The following EMC1 variants were observed in gnomAD, a reference collection of about 807,000 sequenced individuals.
The protein encoded by EMC1 is KIAA0090.
A neutral mutation model predicts 128.8 loss-of-function variants in EMC1; 103 were observed. The observed-to-expected ratio is 0.80, with a 90% CI of 0.68 to 0.94. The LOEUF (loss-of-function observed/expected upper bound fraction) is 0.94. Ranked by LOEUF, EMC1 falls within the 40% of genes least tolerant of loss-of-function variation. EMC1 has a pLI of 0.00. For missense variants in EMC1, 1,083 were observed against 1,250.6 expected (o/e 0.87, Z 2.02); for synonymous variants, 442 against 490.4 (o/e 0.90, Z 1.30).
At chr1:19,224,462 A>G (rs1053619170) in intron 18 of EMC1, among the ~76,000 whole-genome samples, 2 of 152,100 alleles carry the variant, frequency 1.3e-5, no homozygotes, top group Non-Finnish European at 1.5e-5. Context: ...GACTCCATAC[A>G]TCAGTGGCTC....
intron 18 of EMC1, among the ~76,000 whole-genome samples, chr1:19,226,734 G>GTT (rs968836465): frequency 1.4e-5 from 2 of 139,892 alleles, no homozygotes; most frequent in Non-Finnish European, 1.6e-5. Context: ...TGTTTTTTTT[G>GTT]TTTTTTTTTT....
chr1:19,231,517 G>C, intron 15 of EMC1, 95 bp from the exon 16 acceptor site: 1 of 1,321,182 alleles, frequency 7.6e-7, no homozygotes, highest in Non-Finnish European at 1.0e-6. Context: ...CAACAACTGT[G>C]GGGGTTCTCT....
Position 19,219,691 on chromosome 1 carries a change from T to A in EMC1, c.2680A>T (p.Asn894Tyr). ...EIPTEQSREE[N>Y]LIPYSPDVQI... ...ACATCTGGAGAATACGGGATTAAGT[T>A]CTCCTCTCTGCAAAACACCAGCCGG... Residue 894 changes from asparagine to tyrosine, a missense_variant, in exon 22 of 23, where the codon AAC (asparagine) becomes TAC (tyrosine). This residue lies in a region of EMC1 where 527 missense variants were observed against 644.1 expected (regional missense o/e 0.82). Coordinates refer to ENST00000477853, the MANE Select transcript of EMC1 (RefSeq NM_015047.3). 6.2e-7 allele frequency: 1 copy of A among 1,613,934 alleles called. No individual in the cohort carries two copies. Among genetic ancestry groups the A allele is most frequent in the Non-Finnish European group, 8.5e-7 (1 of 1,179,988 alleles).
In EMC1 at chr1:19,216,589, GAATTA is replaced by G. The variant is rs1448123645; in HGVS notation, c.*2709_*2713del. On this transcript the variant is annotated 3_prime_UTR_variant, in exon 23 of 23. Coordinates refer to ENST00000477853, the MANE Select transcript of EMC1 (RefSeq NM_015047.3). The stretch of plus-strand genomic sequence containing the variant: ...CCATTAGTTGAAAAAACAAGTAACA[GAATTA>G]AATAGCATCATCTCATTTAAGAAAA... 1.3e-5 allele frequency: 2 copies of G among 152,108 alleles called. No individual in the cohort carries two copies. Among genetic ancestry groups the G allele is most frequent in the Admixed American group, 6.5e-5 (1 of 15,276 alleles). 9.4% of individuals were successfully genotyped at this position (152,108 alleles called of 1,614,324 possible). A position where few individuals can be genotyped will look rare whatever the true frequency, so the allele number is the denominator to read the frequency against.
rs766175186 is a variant in EMC1, at chr1:19,222,793, G to A, written c.2418C>T (p.Thr806=). ...CAGTGCCCTCATAGAGCTCCAGTAC[G>A]GTAAACTCGTTGCGCCGAGCCTTGG... ...WNTKARRNEF[T]VLELYEGTEQ... The change falls in exon 20 of 23, where the codon ACC becomes ACT. Residue 806 remains threonine, a synonymous_variant. Transcript: ENST00000477853. 2.5e-5 allele frequency: 40 copies of A among 1,613,298 alleles called. No individual in the cohort carries two copies. The highest frequency in any genetic ancestry group is 1.3e-4 in the East Asian group (6 of 44,848).
At chr1:19,235,737 C>CA (rs2093558339) in intron 12 of EMC1, among the ~76,000 whole-genome samples, 1 of 151,612 alleles carries the variant, frequency 6.6e-6, no homozygotes, top group African/African-American at 2.4e-5. Flanking sequence ...AAATAAATAT[C>CA]AAAAAATTAG....
In EMC1 at chr1:19,231,246, C is replaced by G; in HGVS notation, c.1944+15G>C. On this transcript the variant is annotated intron_variant, in intron 16 of 22. Transcript: ENST00000477853. ...ACTCCGCTAGCATGTTCTCCATCCC[C>G]TCTGAAGACAGTACCTTGTATTCAT... 18 of 1,584,238 alleles carry G rather than the reference C, an allele frequency of 1.1e-5. No individual in the cohort carries two copies. Among genetic ancestry groups the G allele is most frequent in the Non-Finnish European group, 1.5e-5 (18 of 1,171,368 alleles).
At chr1:19,227,569 C>A in intron 17 of EMC1, 119 bp from the exon 18 acceptor site, 1 of 1,236,452 alleles carries the variant, frequency 8.1e-7, no homozygotes. Flanking sequence ...GAATAGAGAT[C>A]AGAACTAGAA....
chr1:19,247,107 T>C lies in EMC1; in HGVS notation c.96-2077A>G, dbSNP rs190230508. Among the ~76,000 whole-genome samples, 213 of 152,308 alleles carry C rather than the reference T, an allele frequency of 1.4e-3. 1 individual carries two copies. Among genetic ancestry groups the C allele is most frequent in the Middle Eastern group, 0.014 (4 of 294 alleles). ...ATGCCTTGATCTTGAATTTCCAGCC[T>C]CCAGAACTGTGAGAATATCAATTTC... On this transcript the variant is annotated intron_variant, in intron 1 of 22. Transcript: ENST00000477853.
At chr1:19,232,197 G>A (rs190362923) in intron 15 of EMC1, among the ~76,000 whole-genome samples, 1 of 152,306 alleles carries the variant, frequency 6.6e-6, no homozygotes, top group African/African-American at 2.4e-5. Flanking sequence ...GGGAGGTGGA[G>A]GCTGCAGTGA....
At chr1:19,223,647 T>C (rs1291276597) in intron 18 of EMC1, 78 bp from the exon 19 acceptor site, 4 of 1,356,778 alleles carry the variant, frequency 2.9e-6, no homozygotes, top group Non-Finnish European at 4.1e-6. Context: ...GAGACCAACC[T>C]GGAGCTCTCC....
At chr1:19,243,844 G>A in intron 3 of EMC1, 106 bp downstream of exon 3, 1 of 1,442,656 alleles carries the variant, frequency 6.9e-7, no homozygotes, top group Non-Finnish European at 9.7e-7. Flanking sequence ...TTCACTGTCA[G>A]GAGTCCCCAG....
chr1:19,251,428 C>T lies in EMC1; in HGVS notation c.82G>A (p.Gly28Ser). 1 of 1,614,146 alleles carries T rather than the reference C, an allele frequency of 6.2e-7. No individual in the cohort carries two copies. Among genetic ancestry groups the T allele is most frequent in the Non-Finnish European group, 8.5e-7 (1 of 1,180,018 alleles). ...ACACGTACGCACCAATCAAACTTGC[C>T]CACTTGGTCTTCGTAGACCGCGGCC... ...PAAAVYEDQV[G>S]KFDWRQQYVG... is the part of the protein sequence containing the mutation. The change falls in exon 1 of 23, where the codon GGC becomes AGC. Residue 28 changes from glycine (G) to serine (S), a missense_variant. Gly to Ser is a moderately conservative substitution (Grantham distance 56, BLOSUM62 0). Coordinates refer to ENST00000477853, the MANE Select transcript of EMC1 (RefSeq NM_015047.3).
rs185617817 is a variant in EMC1, at chr1:19,247,947, C to A, written c.96-2917G>T. 3.9e-3 allele frequency among the ~76,000 whole-genome samples: 588 copies of A among 151,932 alleles called. 3 individuals carry two copies. The highest frequency in any genetic ancestry group is 0.013 in the African/African-American group (523 of 41,404). On this transcript the variant is annotated intron_variant, in intron 1 of 22. Transcript: ENST00000477853. ...GCTGAGACATGAGAATCACTTGAAC[C>A]CGGGAGGTGGAGGTTGTAGTGAGCT... is the stretch of plus-strand genomic sequence containing the variant.
intron 1 of EMC1, among the ~76,000 whole-genome samples, chr1:19,247,184 A>G (rs2093635518): frequency 6.6e-6 from 1 of 152,170 alleles, no homozygotes; most frequent in Non-Finnish European, 1.5e-5. Flanking sequence ...GCCTGAGAAA[A>G]CTAATACAAC....
chr1:19,243,737 T>C (rs2093618710), intron 3 of EMC1, 30 bp from the exon 4 acceptor site: 2 of 1,609,286 alleles, frequency 1.2e-6, no homozygotes, highest in African/African-American at 2.7e-5. Context: ...GGTGAAGTCA[T>C]TTCCCACTTG....
In EMC1 at chr1:19,238,109, T is replaced by C. The variant is rs1558106718; in HGVS notation, c.1120A>G (p.Thr374Ala). The C allele has an allele frequency of 9.3e-6, 15 of 1,614,080 alleles. No homozygotes were observed. The highest frequency in any genetic ancestry group is 9.3e-6 in the Non-Finnish European group (11 of 1,180,018). The change falls in exon 11 of 23, where the codon ACC (threonine) becomes GCC (alanine). Residue 374 changes from threonine (T) to alanine (A), a missense_variant. This residue lies in a region of EMC1 where 544 missense variants were observed against 572.4 expected (regional missense o/e 0.95). Coordinates refer to ENST00000477853, the MANE Select transcript of EMC1 (RefSeq NM_015047.3). ...DSLACFNQTYTINLYLVETGR... is the reference protein window; with the variant it reads ...DSLACFNQTYAINLYLVETGR... Reference sequence around the variant, plus strand: ...GTCTCCACGAGGTATAGGTTAATGGTGTAGGTCTGATTGAAGCAAGCCAGA... The same window carrying C: ...GTCTCCACGAGGTATAGGTTAATGGCGTAGGTCTGATTGAAGCAAGCCAGA...
chr1:19,239,204 G>C, intron 9 of EMC1, 27 bp downstream of exon 9: 1 of 1,602,534 alleles, frequency 6.2e-7, no homozygotes, highest in African/African-American at 1.3e-5. Context: ...AAAATCCCAA[G>C]TGCTGACTGT....
At chr1:19,225,046 T>G (rs1397673494) in intron 18 of EMC1, among the ~76,000 whole-genome samples, 1 of 152,244 alleles carries the variant, frequency 6.6e-6, no homozygotes. Context: ...GGCTTTATTT[T>G]TCTCTATAGA....
Sources: gnomAD v4.1 joint callset for allele counts (sites outside exome capture counted in the v4.1 genomes callset) on GRCh38, gnomAD v4.1.1 for gene constraint, gnomAD v4.1.1 regional missense constraint, MANE v1.5 for transcripts, NCBI Gene and HGNC (gene_info 2026-07-23, HGNC 2026-07-21) for gene names.